The following DERA variants were observed in gnomAD, a reference collection of about 807,000 sequenced individuals.
The protein encoded by DERA is 2-deoxy-D-ribose 5-phosphate aldolase.
DERA carries 15 observed loss-of-function variants against 41.1 expected under a neutral mutation model. The ratio of observed to expected loss-of-function variants is 0.37; its 90% confidence interval spans 0.24 to 0.56. The LOEUF (loss-of-function observed/expected upper bound fraction) is 0.56, where lower values mean the gene tolerates loss of function less well. Among genes scored for constraint, DERA ranks in the 20% least tolerant of loss-of-function variants. DERA has a pLI of 0.81. For missense variants in DERA, 396 were observed against 403.4 expected (o/e 0.98, Z 0.16); for synonymous variants, 139 against 137.4 (o/e 1.01, Z -0.08).
At chr12:16,018,030 A>G (rs1045066280) in intron 6 of DERA, among the ~76,000 whole-genome samples, 1 of 152,194 alleles carries the variant, frequency 6.6e-6, no homozygotes, top group Non-Finnish European at 1.5e-5. Context: ...AGATCTTACT[A>G]GTAACTTCCT....
intron 1 of DERA, among the ~76,000 whole-genome samples, chr12:15,950,463 ATCAGCAAGG>A (rs1274889803): frequency 1.3e-5 from 2 of 152,216 alleles, no homozygotes; most frequent in African/African-American, 4.8e-5. Context: ...AACCTGTTTT[ATCAGCAAGG>A]TCTTTATGAC....
rs2136145116 is a variant in DERA at position 15,954,701 on chromosome 12, T to G, written c.32-2235T>G. Among the ~76,000 whole-genome samples the G allele has an allele frequency of 6.6e-6, 1 of 152,100 alleles. No homozygotes were observed. Among genetic ancestry groups the G allele is most frequent in the Non-Finnish European group, 1.5e-5 (1 of 67,998 alleles). On this transcript the variant is annotated intron_variant, in intron 1 of 8. Transcript: ENST00000428559. This position sits in a 1 kb window ranked among gnomAD's most constrained non-coding sequence, Gnocchi z 4.0. ...GAGCCAGATGGTGAAGGAAGAGGCT[T>G]GTGTTTGCCTGAGACCCCTCTCCAA...
rs148706626 is a variant in DERA, at chr12:16,017,587, A to G, written c.638-14955A>G. Among the ~76,000 whole-genome samples the G allele has an allele frequency of 1.3e-5, 2 of 152,204 alleles. No individual in the cohort carries two copies. Among genetic ancestry groups the G allele is most frequent in the African/African-American group, 4.8e-5 (2 of 41,458 alleles). On this transcript the variant is annotated intron_variant, in intron 6 of 8. Coordinates refer to ENST00000428559, the MANE Select transcript of DERA (RefSeq NM_015954.4). The surrounding 1 kb of genome is among the most constrained non-coding windows in gnomAD (Gnocchi z 5.5). The stretch of plus-strand genomic sequence containing the variant: ...CATATGTACTCTGGCCAGTGCTTCA[A>G]CCGTAACACTGCATCTTTATTATAT...
At chr12:15,945,606 T>C (rs1948441462) in intron 1 of DERA, among the ~76,000 whole-genome samples, 1 of 152,246 alleles carries the variant, frequency 6.6e-6, no homozygotes, top group African/African-American at 2.4e-5. Flanking sequence ...AAGTTGCTTA[T>C]CAGCTTAAGG....
chr12:15,948,602 AT>A (rs1948470388), intron 1 of DERA, among the ~76,000 whole-genome samples: 1 of 152,142 alleles, frequency 6.6e-6, no homozygotes, highest in Non-Finnish European at 1.5e-5. Flanking sequence ...AATTCGTCTA[AT>A]CTTTTTTTTG....
chr12:15,997,158 A>G (rs1179230327), intron 6 of DERA, among the ~76,000 whole-genome samples: 1 of 152,218 alleles, frequency 6.6e-6, no homozygotes, highest in Admixed American at 6.5e-5. Flanking sequence ...TACTACAAGC[A>G]TCAGTAATCA....
intron 6 of DERA, among the ~76,000 whole-genome samples, chr12:16,015,884 A>T (rs903061675): frequency 6.6e-6 from 1 of 151,964 alleles, no homozygotes; most frequent in Non-Finnish European, 1.5e-5. Context: ...TTACTAGGCA[A>T]TTTTTTTTCC....
intron 6 of DERA, among the ~76,000 whole-genome samples, chr12:16,030,928 A>C (rs1440607557): frequency 2.6e-5 from 4 of 152,232 alleles, no homozygotes; most frequent in African/African-American, 9.6e-5. Context: ...CAAAGAAATG[A>C]AGGCTTCCAG....
chr12:15,972,602 A>T lies in DERA; in HGVS notation c.508+9655A>T, dbSNP rs1298426836. ...CAATTCCTGCCTCATGATGTGTCCC[A>T]GGGGCATTTCACGCATAGTGCAGAA... On this transcript the variant is annotated intron_variant, in intron 5 of 8. Coordinates refer to ENST00000428559, the MANE Select transcript of DERA (RefSeq NM_015954.4). The surrounding 1 kb of genome is among the most constrained non-coding windows in gnomAD (Gnocchi z 4.4). 2.2e-5 allele frequency: 4 copies of T among 179,890 alleles called. No individual in the cohort carries two copies. The highest frequency in any genetic ancestry group is 9.4e-5 in the African/African-American group (4 of 42,606). 11.1% of individuals were successfully genotyped at this position (179,890 alleles called of 1,614,324 possible). A position where few individuals can be genotyped will look rare whatever the true frequency, so the allele number is the denominator to read the frequency against.
At position 16,026,401 on chromosome 12, in the gene DERA, G is replaced by A. The variant is rs977631327; in HGVS notation, c.638-6141G>A. ...TTAAAAGGATTATAAAGGAATGTGT[G>A]AACAGCTCTATTTTCACAAATTTGA... On this transcript the variant is annotated intron_variant, in intron 6 of 8. Coordinates refer to ENST00000428559, the MANE Select transcript of DERA (RefSeq NM_015954.4). This position sits in a 1 kb window ranked among gnomAD's most constrained non-coding sequence, Gnocchi z 4.4. Among the ~76,000 whole-genome samples the A allele has an allele frequency of 2.0e-5, 3 of 151,594 alleles. No individual in the cohort carries two copies. Among genetic ancestry groups the A allele is most frequent in the Admixed American group, 6.6e-5 (1 of 15,256 alleles).
rs1251304660 is a variant in DERA, at chr12:15,982,858, T to A, written c.637+422T>A. On this transcript the variant is annotated intron_variant, in intron 6 of 8. Coordinates refer to ENST00000428559, the MANE Select transcript of DERA (RefSeq NM_015954.4). The surrounding 1 kb of genome is among the most constrained non-coding windows in gnomAD (Gnocchi z 4.0). ...TCTGCTTTTGTTTGTGTTAATGTTT[T>A]AAAATTTAGTGCAGTATCATTGATT... Among the ~76,000 whole-genome samples, 1 of 152,254 alleles carries A rather than the reference T, an allele frequency of 6.6e-6. No individual in the cohort carries two copies. Among genetic ancestry groups the A allele is most frequent in the African/African-American group, 2.4e-5 (1 of 41,468 alleles).
At position 15,983,450 on chromosome 12, in the gene DERA, C is replaced by T. The variant is rs568108267; in HGVS notation, c.637+1014C>T. On this transcript the variant is annotated intron_variant, in intron 6 of 8. Transcript: ENST00000428559. The surrounding 1 kb of genome is among the most constrained non-coding windows in gnomAD (Gnocchi z 6.2). ...CGTTCTGTGCCTCCTGCCCGGAATG[C>T]CTTTTGCCCAAATAACTCCACATCT... is the stretch of plus-strand genomic sequence containing the variant. Among the ~76,000 whole-genome samples, 141 of 152,270 alleles carry T rather than the reference C, an allele frequency of 9.3e-4. No homozygotes were observed. In the Middle Eastern group the frequency reaches 0.014, roughly 15 times the overall value.
chr12:15,958,454 T>C, intron 3 of DERA, 119 bp downstream of exon 3: 1 of 686,834 alleles, frequency 1.5e-6, no homozygotes, highest in Non-Finnish European at 2.2e-6. Flanking sequence ...TGATAGAAAC[T>C]CTTGCTGTGT....
intron 1 of DERA, among the ~76,000 whole-genome samples, chr12:15,923,264 C>G (rs1948258565): frequency 6.6e-6 from 1 of 151,732 alleles, no homozygotes; most frequent in Admixed American, 6.6e-5. Flanking sequence ...CCTCGTGATC[C>G]GCCCGCCTCG....
At chr12:16,034,142 A>G (rs542996272) in intron 7 of DERA, among the ~76,000 whole-genome samples, 1 of 152,340 alleles carries the variant, frequency 6.6e-6, no homozygotes, top group South Asian at 2.1e-4. Context: ...GGTCTGGCAT[A>G]GTCTTCAGGC....
chr12:15,997,772 CT>C (rs1299051023), intron 6 of DERA, among the ~76,000 whole-genome samples: 1 of 152,176 alleles, frequency 6.6e-6, no homozygotes, highest in African/African-American at 2.4e-5. Context: ...TCAAATTGAA[CT>C]TTTGCCTGTC....
intron 1 of DERA, among the ~76,000 whole-genome samples, chr12:15,950,257 A>G (rs1446246741): frequency 2.0e-5 from 3 of 152,186 alleles, no homozygotes; most frequent in African/African-American, 4.8e-5. Context: ...TTTAATGGTT[A>G]TTTCCTGATT....
chr12:16,022,981 C>G (rs1018992820), intron 6 of DERA, among the ~76,000 whole-genome samples: 1 of 152,184 alleles, frequency 6.6e-6, no homozygotes, highest in Admixed American at 6.5e-5. Context: ...GTAAAGCCTA[C>G]TCTAGGACAA....
At chr12:15,980,860 C>T (rs945195499) in intron 5 of DERA, among the ~76,000 whole-genome samples, 1 of 152,128 alleles carries the variant, frequency 6.6e-6, no homozygotes, top group Non-Finnish European at 1.5e-5. Flanking sequence ...TTCATGTTTT[C>T]TGTGATTGAG....
Sources: allele counts gnomAD v4.1 joint callset (sites outside exome capture counted in the v4.1 genomes callset), GRCh38; gene constraint gnomAD v4.1.1; non-coding constraint Gnocchi (gnomAD v3.1); transcripts MANE v1.5; gene names NCBI Gene and HGNC (gene_info 2026-07-23, HGNC 2026-07-21).